ABLIM1: variants seen among roughly 807,000 people sequenced by gnomAD.
ABLIM1 encodes the protein actin-binding LIM protein 1.
ABLIM1 carries 40 observed loss-of-function variants against 107.0 expected under a neutral mutation model. That is an observed-to-expected ratio of 0.37 (90% CI 0.29 to 0.49). The LOEUF (loss-of-function observed/expected upper bound fraction) is 0.49. ABLIM1 is among the 20% of genes least tolerant of loss of function. The pLI is 0.97. For synonymous variants in ABLIM1, 357 were observed against 357.3 expected (o/e 1.00, Z 0.01); for missense variants, 857 against 1,008.5 (o/e 0.85, Z 2.04).
chr10:114,686,250 T>C (rs2080932164), upstream of ABLIM1, among the ~76,000 whole-genome samples: 1 of 152,152 alleles, frequency 6.6e-6, no homozygotes, highest in Non-Finnish European at 1.5e-5. Flanking sequence ...GACTCATGCC[T>C]GTAATCCCAG....
intron 20 of ABLIM1, 161 bp from the exon 21 acceptor site, chr10:114,439,411 G>T: frequency 1.3e-6 from 1 of 762,888 alleles, no homozygotes; most frequent in Non-Finnish European, 2.2e-6. Flanking sequence ...GATCCTTGCT[G>T]TATAGGAACA....
At chr10:114,558,430 C>A (rs569362344) in intron 4 of ABLIM1, among the ~76,000 whole-genome samples, 1 of 152,074 alleles carries the variant, frequency 6.6e-6, no homozygotes. Flanking sequence ...ATTGAGAGTC[C>A]GAGAACTTCT....
intron 2 of ABLIM1, among the ~76,000 whole-genome samples, chr10:114,594,411 A>G (rs1338728650): frequency 6.6e-6 from 1 of 152,200 alleles, no homozygotes; most frequent in Non-Finnish European, 1.5e-5. Context: ...GACATACATT[A>G]TAGTAAAGCA....
At chr10:114,627,187 T>C (rs916968335) in intron 1 of ABLIM1, among the ~76,000 whole-genome samples, 1 of 152,202 alleles carries the variant, frequency 6.6e-6, no homozygotes, top group African/African-American at 2.4e-5. Context: ...TCACCCAACC[T>C]GTTGTCAGGT....
chr10:114,682,057 T>A (rs1256801317), intron 1 of ABLIM1, among the ~76,000 whole-genome samples: 1 of 152,238 alleles, frequency 6.6e-6, no homozygotes, highest in African/African-American at 2.4e-5. Context: ...TAGTGATAAG[T>A]CTTGTAAAAT....
chr10:114,571,434 G>C, intron 3 of ABLIM1, 28 bp from the exon 4 acceptor site: 1 of 1,596,438 alleles, frequency 6.3e-7, no homozygotes, highest in Non-Finnish European at 8.6e-7. Flanking sequence ...TCGCCCTCAA[G>C]GTTATTGCAG....
At chr10:114,506,937 T>C (rs2061237883) in intron 6 of ABLIM1, among the ~76,000 whole-genome samples, 1 of 152,222 alleles carries the variant, frequency 6.6e-6, no homozygotes, top group South Asian at 2.1e-4. Context: ...CGGTGCTCTG[T>C]GGGTAGTTGA....
At chr10:114,491,698 C>T (rs2059018699) in intron 7 of ABLIM1, 93 bp downstream of exon 7, 3 of 1,254,232 alleles carry the variant, frequency 2.4e-6, no homozygotes, top group Non-Finnish European at 3.4e-6. Flanking sequence ...CAGCTAATAA[C>T]ATGCCTCCTT....
intron 6 of ABLIM1, among the ~76,000 whole-genome samples, chr10:114,543,940 A>G (rs2067000938): frequency 1.3e-5 from 2 of 152,204 alleles, no homozygotes; most frequent in Admixed American, 1.3e-4. Flanking sequence ...ACGTCCCAGC[A>G]CACATCCAAT....
upstream of ABLIM1, among the ~76,000 whole-genome samples, chr10:114,685,659 CTG>C: frequency 6.6e-6 from 1 of 152,348 alleles, no homozygotes; most frequent in East Asian, 1.9e-4. Context: ...AGAATCACAA[CTG>C]GATTGCTCGT....
chr10:114,636,299 G>A (rs2078477135), intron 1 of ABLIM1, among the ~76,000 whole-genome samples: 1 of 152,202 alleles, frequency 6.6e-6, no homozygotes, highest in African/African-American at 2.4e-5. Context: ...ATGAGGCTGG[G>A]TGACAGGTGA....
chr10:114,793,198 G>T, the ABLIM1 span, among the ~76,000 whole-genome samples: 1 of 152,112 alleles, frequency 6.6e-6, no homozygotes. Flanking sequence ...AATGTTGGAG[G>T]TGGGGCCTGG....
At chr10:114,469,435 C>G (rs535654567) in intron 10 of ABLIM1, among the ~76,000 whole-genome samples, 7 of 152,316 alleles carry the variant, frequency 4.6e-5, no homozygotes, top group Non-Finnish European at 8.8e-5. Context: ...TCTGTCACCT[C>G]AGGGCCTTTG....
intron 1 of ABLIM1, among the ~76,000 whole-genome samples, chr10:114,679,487 T>C (rs1360985732): frequency 6.6e-6 from 1 of 151,840 alleles, no homozygotes; most frequent in Non-Finnish European, 1.5e-5. Flanking sequence ...ATTACAAAAT[T>C]AGCCGGGCGT....
Position 114,739,912 on chromosome 10 carries a change from T to C in ABLIM1, c.-213+28149A>G, listed in dbSNP as rs190745211. Among the ~76,000 whole-genome samples, 6 of 152,212 alleles carry C rather than the reference T, an allele frequency of 3.9e-5. No individual in the cohort carries two copies. In the East Asian group the frequency reaches 1.2e-3, roughly 29 times the overall value. On this transcript the variant is annotated intron_variant, in intron 1 of 15. Coordinates refer to the ABLIM1 transcript ENST00000651092. ...TTTTCTTGTTAGGGCATATTTCTAT[T>C]AATAAAACTAAAGTAAAAAGAAGCA...
Position 114,619,685 on chromosome 10 carries a change from G to A in ABLIM1, c.245-17724C>T, listed in dbSNP as rs994486161. On this transcript the variant is annotated intron_variant, in intron 1 of 22. Coordinates refer to ENST00000533213, the MANE Select transcript of ABLIM1 (RefSeq NM_002313.7). This position sits in a 1 kb window ranked among gnomAD's most constrained non-coding sequence, Gnocchi z 4.1. ...ACAAAAGCAAGGAAACAAGGTAAGCGTGGTGAACACAAAGAGGAGAGGCAG... is the reference window on the plus strand; with the variant it reads ...ACAAAAGCAAGGAAACAAGGTAAGCATGGTGAACACAAAGAGGAGAGGCAG... Among the ~76,000 whole-genome samples the A allele has an allele frequency of 2.0e-5, 3 of 152,168 alleles. No homozygotes were observed. Among genetic ancestry groups the A allele is most frequent in the Non-Finnish European group, 2.9e-5 (2 of 68,034 alleles).
At chr10:114,721,950 CT>C (rs1343467987) in intron 1 of ABLIM1, among the ~76,000 whole-genome samples, 2 of 152,100 alleles carry the variant, frequency 1.3e-5, no homozygotes, top group African/African-American at 4.8e-5. Context: ...AATTTTCTTC[CT>C]CACCTTGTCC....
At chr10:114,519,608 CAGGCCATT>C (rs1241324789) in intron 6 of ABLIM1, among the ~76,000 whole-genome samples, 7 of 152,198 alleles carry the variant, frequency 4.6e-5, no homozygotes, top group African/African-American at 1.7e-4. Flanking sequence ...CCAAGGCCAT[CAGGCCATT>C]TAAGAAGTTG....
At chr10:114,566,274 T>C (rs1419410122) in intron 4 of ABLIM1, among the ~76,000 whole-genome samples, 1 of 152,122 alleles carries the variant, frequency 6.6e-6, no homozygotes, top group East Asian at 1.9e-4. Flanking sequence ...CAGACACTAG[T>C]CAGACACCCT....
Sources: gnomAD v4.1 joint callset for allele counts (sites outside exome capture counted in the v4.1 genomes callset) on GRCh38, gnomAD v4.1.1 for gene constraint, Gnocchi (gnomAD v3.1) non-coding constraint, MANE v1.5 for transcripts, NCBI Gene and HGNC (gene_info 2026-07-23, HGNC 2026-07-21) for gene names.